GJA3: variants seen among roughly 807,000 people sequenced by gnomAD.
GJA3 encodes the protein gap junction protein alpha 3.
For missense variants in GJA3, 571 were observed against 620.3 expected, an observed-to-expected ratio of 0.92 and a Z score of 0.84; for synonymous variants, 297 against 292.6, an observed-to-expected ratio of 1.02 and a Z score of -0.15.
At chr13:20,152,943 T>C (rs1283733235) in intron 1 of GJA3, among the ~76,000 whole-genome samples, 1 of 152,228 alleles carries the variant, frequency 6.6e-6, no homozygotes, top group Non-Finnish European at 1.5e-5. Context: ...TACGAGGGCA[T>C]GGTGAGCTGT....
rs1958791609 is a variant in GJA3 at position 20,138,888 on chromosome 13, A to C, written c.*3093T>G. On this transcript the variant is annotated 3_prime_UTR_variant, in exon 2 of 2. Transcript: ENST00000241125. The stretch of plus-strand genomic sequence containing the variant: ...AAAGCCTAACGTGAAAGGAGACCTA[A>C]ACCCTATTGGATTAATTTTTTGTAA... 5 of 152,228 alleles carry C rather than the reference A, an allele frequency of 3.3e-5. No homozygotes were observed. The highest frequency in any genetic ancestry group is 3.3e-4 in the Admixed American group (5 of 15,276). The allele number at this position is 152,228 out of a possible 1,614,324, so 9.4% of individuals were successfully genotyped here. A position where few individuals can be genotyped will look rare whatever the true frequency, so the allele number is the denominator to read the frequency against.
chr13:20,160,623 T>C (rs1425041712), intron 1 of GJA3, among the ~76,000 whole-genome samples: 2 of 152,232 alleles, frequency 1.3e-5, no homozygotes, highest in Non-Finnish European at 2.9e-5. Context: ...GGCGCTGCTC[T>C]CCAGACCTCC....
At chr13:20,150,230 AG>A (rs1422119577) in intron 1 of GJA3, among the ~76,000 whole-genome samples, 1 of 152,196 alleles carries the variant, frequency 6.6e-6, no homozygotes, top group African/African-American at 2.4e-5. Context: ...TGGTGGAGAC[AG>A]GAACGAAGAC....
chr13:20,151,038 CG>C (rs955583474), intron 1 of GJA3, among the ~76,000 whole-genome samples: 9 of 122,796 alleles, frequency 7.3e-5, no homozygotes, highest in Non-Finnish European at 9.9e-5. Flanking sequence ...AAGTGGGGCC[CG>C]GGGCCCAGCA....
intron 1 of GJA3, among the ~76,000 whole-genome samples, chr13:20,150,372 G>GGT (rs71816956): frequency 0.039 from 5,766 of 148,046 alleles, 116 homozygotes; most frequent in South Asian, 0.04. Flanking sequence ...CACTGCTCCT[G>GGT]GTGTGTGTGT....
At position 20,141,540 on chromosome 13, in the gene GJA3, A is replaced by C; in HGVS notation, c.*441T>G. On this transcript the variant is annotated 3_prime_UTR_variant, in exon 2 of 2. Coordinates refer to ENST00000241125, the MANE Select transcript of GJA3 (RefSeq NM_021954.4). Reference sequence around the variant, plus strand: ...TTAAAAGTATCAAAGAGATAGAGCTAAGTGCTCTGGCCCAGAGCTAAGACC... The same window carrying C: ...TTAAAAGTATCAAAGAGATAGAGCTCAGTGCTCTGGCCCAGAGCTAAGACC... The C allele has an allele frequency of 6.3e-6, 1 of 157,902 alleles. No homozygotes were observed. Among genetic ancestry groups the C allele is most frequent in the Non-Finnish European group, 1.4e-5 (1 of 71,844 alleles). 9.8% of individuals were successfully genotyped at this position (157,902 alleles called of 1,614,324 possible).
In GJA3 at chr13:20,142,129, A is replaced by G; in HGVS notation, c.1160T>C (p.Leu387Pro). ...GSGSSLEGSA[L>P]AGTPEEEEQA... ...CTCCTCCTCCTCGGGGGTCCCTGCC[A>G]GGGCGCTCCCCTCCAGACTGCTGCC... is the stretch of plus-strand genomic sequence containing the variant. The change falls in exon 2 of 2, where the codon CTG becomes CCG. Residue 387 changes from leucine (L) to proline (P), a missense_variant. Transcript: ENST00000241125. The G allele has an allele frequency of 2.6e-6, 4 of 1,543,028 alleles. No homozygotes were observed. Among genetic ancestry groups the G allele is most frequent in the Non-Finnish European group, 3.5e-6 (4 of 1,144,688 alleles).
At chr13:20,148,335 T>G (rs1958856173) in intron 1 of GJA3, among the ~76,000 whole-genome samples, 1 of 146,886 alleles carries the variant, frequency 6.8e-6, no homozygotes, top group Non-Finnish European at 1.5e-5. Context: ...CATAGCTCAC[T>G]GCAGCCTCAA....
chr13:20,142,968 T>G lies in GJA3; in HGVS notation c.321A>C (p.Lys107Asn), dbSNP rs781294452. 6.3e-7 allele frequency: 1 copy of G among 1,584,754 alleles called. No individual in the cohort carries two copies. The highest frequency in any genetic ancestry group is 1.1e-5 in the South Asian group (1 of 87,738). ...TCAGCTGCTCCTCCTCCTCCCTCTCTTTCTTCTTCTCTTCCATGCGCACGA... is the reference window on the plus strand; with the variant it reads ...TCAGCTGCTCCTCCTCCTCCCTCTCGTTCTTCTTCTCTTCCATGCGCACGA... ...LHIVRMEEKK[K>N]EREEEEQLKR... Residue 107 changes from lysine to asparagine, a missense_variant, in exon 2 of 2, where the codon AAA (lysine) becomes AAC (asparagine). By Grantham distance (94) the Lys-to-Asn change is moderately conservative. Coordinates refer to ENST00000241125, the MANE Select transcript of GJA3 (RefSeq NM_021954.4).
At position 20,142,257 on chromosome 13, in the gene GJA3, C is replaced by T. The variant is rs1958812807; in HGVS notation, c.1032G>A (p.Pro344=). The T allele has an allele frequency of 1.3e-6, 2 of 1,550,724 alleles. No homozygotes were observed. Among genetic ancestry groups the T allele is most frequent in the Non-Finnish European group, 1.7e-6 (2 of 1,152,342 alleles). The change falls in exon 2 of 2, where the codon CCG becomes CCA. Residue 344 remains proline (P), a synonymous_variant. Transcript: ENST00000241125. ...ERQPPALKAY[P]AASTPAAPSP... ...TGGGGGCTGCAGGCGTGGACGCTGC[C>T]GGGTAAGCCTTGAGCGCCGGGGGCT...
At chr13:20,143,349 A>C in intron 1 of GJA3, 44 bp from the exon 2 acceptor site, 1 of 1,396,628 alleles carries the variant, frequency 7.2e-7, no homozygotes, top group South Asian at 1.4e-5. Context: ...GCAACGGCTG[A>C]GTGCCGGGTC....
chr13:20,159,518 T>A lies in GJA3; in HGVS notation c.-18+1372A>T, dbSNP rs141451801. ...GATAAACGTAATTTTTCGTTTCAAA[T>A]GTAGTGTGTACACGTTATTTTAGCT... On this transcript the variant is annotated intron_variant, in intron 1 of 1. Coordinates refer to ENST00000241125, the MANE Select transcript of GJA3 (RefSeq NM_021954.4). 1.6e-3 allele frequency among the ~76,000 whole-genome samples: 227 copies of A among 141,466 alleles called. 1 individual carries two copies. In the Middle Eastern group the frequency reaches 0.017, roughly 11 times the overall value. 92.8% of individuals were successfully genotyped at this position (141,466 alleles called of 152,430 possible).
intron 1 of GJA3, among the ~76,000 whole-genome samples, chr13:20,152,144 G>A (rs1213395729): frequency 6.6e-6 from 1 of 152,112 alleles, no homozygotes; most frequent in African/African-American, 2.4e-5. Context: ...ACATCTGGGA[G>A]TTGTCACCAA....
intron 1 of GJA3, among the ~76,000 whole-genome samples, chr13:20,145,624 T>G (rs1019273388): frequency 8.5e-5 from 13 of 152,190 alleles, no homozygotes; most frequent in Admixed American, 2.0e-4. Flanking sequence ...CATGATAGCA[T>G]GCAAGACCCA....
At chr13:20,160,080 C>T (rs1308548042) in intron 1 of GJA3, among the ~76,000 whole-genome samples, 1 of 152,160 alleles carries the variant, frequency 6.6e-6, no homozygotes, top group Non-Finnish European at 1.5e-5. Flanking sequence ...GTTGCAGTCA[C>T]ATATTCACGA....
chr13:20,139,267 A>G lies in GJA3; in HGVS notation c.*2714T>C, dbSNP rs1958793819. On this transcript the variant is annotated 3_prime_UTR_variant, in exon 2 of 2. Coordinates refer to ENST00000241125, the MANE Select transcript of GJA3 (RefSeq NM_021954.4). ...CAGCTTAAAAACCATGTATGTAAAT[A>G]TAATACTCAAATGCTATAGGTATAG... 1 of 152,166 alleles carries G rather than the reference A, an allele frequency of 6.6e-6. No individual in the cohort carries two copies. Among genetic ancestry groups the G allele is most frequent in the Admixed American group, 6.5e-5 (1 of 15,282 alleles). 9.4% of individuals were successfully genotyped at this position (152,166 alleles called of 1,614,324 possible).
chr13:20,148,766 C>T (rs746431044), intron 1 of GJA3, among the ~76,000 whole-genome samples: 5 of 152,230 alleles, frequency 3.3e-5, no homozygotes, highest in Admixed American at 6.5e-5. Context: ...GACGGGCTTT[C>T]GCTCATCACC....
chr13:20,147,219 G>C (rs763838688), intron 1 of GJA3, among the ~76,000 whole-genome samples: 3 of 152,244 alleles, frequency 2.0e-5, no homozygotes, highest in Non-Finnish European at 4.4e-5. Flanking sequence ...GGTTAAGAGA[G>C]TCGTAGGTCA....
At chr13:20,147,537 T>C (rs1188742970) in intron 1 of GJA3, among the ~76,000 whole-genome samples, 2 of 152,346 alleles carry the variant, frequency 1.3e-5, no homozygotes, top group East Asian at 3.9e-4. Flanking sequence ...AACAGTCTGA[T>C]ACCAGCTATT....
Sources: allele counts gnomAD v4.1 joint callset (sites outside exome capture counted in the v4.1 genomes callset), GRCh38; gene constraint gnomAD v4.1.1; transcripts MANE v1.5; gene names NCBI Gene and HGNC (gene_info 2026-07-23, HGNC 2026-07-21).